The following DLG5 variants were observed in gnomAD, a reference collection of about 807,000 sequenced individuals.
DLG5 encodes discs large MAGUK scaffold protein 5.
In DLG5, 48 loss-of-function variants were observed where a neutral mutation model predicts 189.8. That is an observed-to-expected ratio of 0.25 (90% CI 0.20 to 0.32). The LOEUF (loss-of-function observed/expected upper bound fraction) is 0.32. DLG5 is among the 10% of genes least tolerant of loss of function. The pLI is 1.00. For synonymous variants in DLG5, 1,016 were observed against 1,054.1 expected (o/e 0.96, Z 0.70); for missense variants, 2,160 against 2,544.7 (o/e 0.85, Z 3.25).
intron 27 of DLG5, among the ~76,000 whole-genome samples, chr10:77,802,298 A>G (rs554147450): frequency 3.9e-5 from 6 of 152,216 alleles, no homozygotes; most frequent in South Asian, 2.1e-4. Flanking sequence ...ATATCTTTAA[A>G]GCACCCAAGT....
At chr10:77,838,924 C>T (rs1015980642) in intron 7 of DLG5, among the ~76,000 whole-genome samples, 2 of 152,212 alleles carry the variant, frequency 1.3e-5, no homozygotes, top group East Asian at 1.9e-4. Flanking sequence ...GGGGCAGCCG[C>T]GGGGGCTCTC....
intron 2 of DLG5, among the ~76,000 whole-genome samples, chr10:77,865,989 T>C (rs1215735256): frequency 6.6e-6 from 1 of 152,094 alleles, no homozygotes; most frequent in Admixed American, 6.5e-5. Context: ...TTTAGGGAGA[T>C]GTAAATGGAA....
chr10:77,851,467 A>T (rs950440163), intron 5 of DLG5, among the ~76,000 whole-genome samples: 1 of 152,166 alleles, frequency 6.6e-6, no homozygotes, highest in Admixed American at 6.5e-5. Flanking sequence ...GCATGTTGTC[A>T]CAGCTTCTCT....
Position 77,926,323 on chromosome 10 carries a change from G to C in DLG5, c.198C>G (p.Asp66Glu). ...LLKLLLAKER[D>E]HFQDLRAALE... The stretch of plus-strand genomic sequence containing the variant: ...GCGCCGCCCGCAGGTCCTGGAAGTG[G>C]TCCCGCTCCTTGGCCAAGAGCAGCT... Residue 66 changes from aspartate (D) to glutamate (E), a missense_variant, in exon 1 of 32, where the codon GAC (aspartate) becomes GAG (glutamate). By Grantham distance (45) the Asp-to-Glu change is conservative. Transcript: ENST00000372391. The surrounding 1 kb of genome is among the most constrained non-coding windows in gnomAD (Gnocchi z 5.2). 1 of 1,603,582 alleles carries C rather than the reference G, an allele frequency of 6.2e-7. No individual in the cohort carries two copies. Among genetic ancestry groups the C allele is most frequent in the Non-Finnish European group, 8.5e-7 (1 of 1,176,288 alleles).
At chr10:77,909,471 T>C (rs1455825895) in intron 1 of DLG5, among the ~76,000 whole-genome samples, 14 of 151,888 alleles carry the variant, frequency 9.2e-5, no homozygotes, top group Admixed American at 9.2e-4. Flanking sequence ...AGCCTGCGTG[T>C]TCTGCACATG....
At chr10:77,859,326 G>A (rs1280120748) in intron 2 of DLG5, among the ~76,000 whole-genome samples, 1 of 152,182 alleles carries the variant, frequency 6.6e-6, no homozygotes, top group South Asian at 2.1e-4. Flanking sequence ...TAGCCTAAGT[G>A]TACAGTGTTT....
chr10:77,890,770 A>C (rs1845584275), intron 1 of DLG5, among the ~76,000 whole-genome samples: 1 of 152,210 alleles, frequency 6.6e-6, no homozygotes, highest in African/African-American at 2.4e-5. Context: ...AATATCAGCG[A>C]GTGCCACCTC....
chr10:77,868,452 C>T (rs1844774728), intron 2 of DLG5: 1 of 286,702 alleles, frequency 3.5e-6, no homozygotes, highest in African/African-American at 2.2e-5. Flanking sequence ...ACTCCCCCTC[C>T]CAGAATGTCA....
At chr10:77,921,468 A>T (rs1031174510) in intron 1 of DLG5, among the ~76,000 whole-genome samples, 6 of 152,196 alleles carry the variant, frequency 3.9e-5, no homozygotes, top group African/African-American at 1.2e-4. Context: ...TCCAGCTCTA[A>T]TTTCTGACAG....
intron 7 of DLG5, among the ~76,000 whole-genome samples, chr10:77,838,177 T>A (rs1184491336): frequency 6.6e-6 from 1 of 152,178 alleles, no homozygotes; most frequent in African/African-American, 2.4e-5. Context: ...TGTAGCTGCA[T>A]GTGTAACTGC....
intron 26 of DLG5, 178 bp from the exon 27 acceptor site, chr10:77,806,039 G>A (rs1014341481): frequency 1.1e-4 from 62 of 581,538 alleles, no homozygotes; most frequent in African/African-American, 1.3e-4. Context: ...TACATGCTGC[G>A]GGGGTGACAC....
At chr10:77,849,379 C>T (rs1168682774) in intron 5 of DLG5, among the ~76,000 whole-genome samples, 1 of 152,260 alleles carries the variant, frequency 6.6e-6, no homozygotes, top group Non-Finnish European at 1.5e-5. Context: ...CCCGCTTCCT[C>T]TGCTGCTGGC....
At chr10:77,906,771 C>A (rs141075753) in intron 1 of DLG5, among the ~76,000 whole-genome samples, 1 of 151,944 alleles carries the variant, frequency 6.6e-6, no homozygotes, top group Non-Finnish European at 1.5e-5. Context: ...AGTACAGGCA[C>A]GTACCACCAT....
intron 13 of DLG5, 65 bp from the exon 14 acceptor site, chr10:77,824,541 C>G: frequency 7.9e-7 from 1 of 1,267,918 alleles, no homozygotes; most frequent in African/African-American, 1.5e-5. Context: ...CAGTCAGGAT[C>G]TCTGCCTACC....
chr10:77,798,814 G>A (rs778796156), intron 27 of DLG5, among the ~76,000 whole-genome samples: 18 of 152,130 alleles, frequency 1.2e-4, no homozygotes, highest in Non-Finnish European at 7.3e-5. Context: ...TGGCACAGTT[G>A]CTATAGGGTG....
Position 77,796,649 on chromosome 10 carries a change from G to C in DLG5, c.5165-55C>G. On this transcript the variant is annotated intron_variant, in intron 27 of 31. Transcript: ENST00000372391. This position sits in a 1 kb window ranked among gnomAD's most constrained non-coding sequence, Gnocchi z 5.2. ...ACCCAGCTTGGAGTGGAGGACCTGA[G>C]TGGGGCTGGGGAACCCCGCTCCCTG... The C allele has an allele frequency of 6.2e-7, 1 of 1,606,690 alleles. No individual in the cohort carries two copies. The highest frequency in any genetic ancestry group is 8.5e-7 in the Non-Finnish European group (1 of 1,174,860).
At chr10:77,848,873 A>G (rs1342671518) in intron 5 of DLG5, among the ~76,000 whole-genome samples, 1 of 152,222 alleles carries the variant, frequency 6.6e-6, no homozygotes, top group Non-Finnish European at 1.5e-5. Context: ...GTGGCTGCCC[A>G]CATTGGTTGA....
chr10:77,807,777 A>G lies in DLG5; in HGVS notation c.4796+19T>C, dbSNP rs773368733. ...TCCTCTGGTTCCAAATCTCCCACCG[A>G]TTCCCCAGCCACTGGTACCTGATGT... On this transcript the variant is annotated intron_variant, in intron 25 of 31. Transcript: ENST00000372391. The G allele has an allele frequency of 6.2e-7, 1 of 1,608,152 alleles. No homozygotes were observed. Among genetic ancestry groups the G allele is most frequent in the Non-Finnish European group, 8.5e-7 (1 of 1,175,978 alleles).
chr10:77,793,083 G>C (rs1245052809), intron 31 of DLG5: 1 of 152,694 alleles, frequency 6.5e-6, no homozygotes, highest in Non-Finnish European at 1.5e-5. Flanking sequence ...GAAATTGACA[G>C]TGAGTGTCTA....
Sources: gnomAD v4.1 joint callset for allele counts (sites outside exome capture counted in the v4.1 genomes callset) on GRCh38, gnomAD v4.1.1 for gene constraint, Gnocchi (gnomAD v3.1) non-coding constraint, MANE v1.5 for transcripts, NCBI Gene and HGNC (gene_info 2026-07-23, HGNC 2026-07-21) for gene names.